Variants in APBA1 observed in about 807,000 individuals in gnomAD.
The protein encoded by APBA1 is amyloid-beta A4 precursor protein-binding family A member 1.
A neutral mutation model predicts 86.6 loss-of-function variants in APBA1; 55 were observed. The observed-to-expected ratio is 0.64, with a 90% confidence interval of 0.51 to 0.80. The LOEUF (loss-of-function observed/expected upper bound fraction) is 0.80, where lower values mean the gene tolerates loss of function less well. APBA1 is among the 30% of genes least tolerant of loss of function. The probability of loss-of-function intolerance (pLI) is 0.00; values close to 1 mark genes in which losing one functional copy is unlikely to be tolerated. For synonymous variants in APBA1, 511 were observed against 493.9 expected, an observed-to-expected ratio of 1.03 and a Z score of -0.46; for missense variants, 1,090 against 1,183.0, an observed-to-expected ratio of 0.92 and a Z score of 1.15.
chr9:69,514,616 T>C (rs1170938972), intron 2 of APBA1, among the ~76,000 whole-genome samples: 1 of 147,646 alleles, frequency 6.8e-6, no homozygotes, highest in Non-Finnish European at 1.5e-5. Flanking sequence ...ACAAAAAAAA[T>C]TGCAGAAACC....
At chr9:69,513,326 G>C (rs991174329) in intron 2 of APBA1, among the ~76,000 whole-genome samples, 3 of 152,242 alleles carry the variant, frequency 2.0e-5, no homozygotes, top group Non-Finnish European at 4.4e-5. Flanking sequence ...TGGGCTCACT[G>C]TGAGGCTGCA....
chr9:69,609,850 G>A (rs1011096095), intron 1 of APBA1, among the ~76,000 whole-genome samples: 10 of 152,170 alleles, frequency 6.6e-5, no homozygotes, highest in African/African-American at 1.4e-4. Flanking sequence ...CCAGGCTGGC[G>A]TGCAGCGGCA....
At chr9:69,469,150 C>T (rs568100743) in intron 4 of APBA1, among the ~76,000 whole-genome samples, 47 of 152,294 alleles carry the variant, frequency 3.1e-4, no homozygotes, top group African/African-American at 1.1e-3. Flanking sequence ...CATGAACCAC[C>T]ATGCCTAGCC....
At chr9:69,464,441 T>TA (rs1409805399) in intron 5 of APBA1, 2 of 152,246 alleles carry the variant, frequency 1.3e-5, no homozygotes, top group African/African-American at 4.8e-5. Flanking sequence ...AATTTGCTTG[T>TA]AAAAATAAAT....
rs1460636629 is a variant in APBA1 at position 69,517,244 on chromosome 9, G to T, written c.-34C>A. On this transcript the variant is annotated 5_prime_UTR_variant, in exon 2 of 13. Transcript: ENST00000265381. Reference sequence around the variant, plus strand: ...TCGGAACGGCTAGGAGAGAAGCTGGGCCCGGCTCACTGCGCTCTCATTTTG... The same window carrying T: ...TCGGAACGGCTAGGAGAGAAGCTGGTCCCGGCTCACTGCGCTCTCATTTTG... The T allele has an allele frequency of 2.8e-6, 4 of 1,430,302 alleles. No individual in the cohort carries two copies. Among genetic ancestry groups the T allele is most frequent in the South Asian group, 3.0e-5 (2 of 65,802 alleles). 88.6% of individuals were successfully genotyped at this position (1,430,302 alleles called of 1,614,324 possible). A position where few individuals can be genotyped will look rare whatever the true frequency, so the allele number is the denominator to read the frequency against.
chr9:69,652,693 T>C (rs2134017333), intron 1 of APBA1, among the ~76,000 whole-genome samples: 1 of 152,328 alleles, frequency 6.6e-6, no homozygotes, highest in Admixed American at 6.5e-5. Flanking sequence ...TGAATGGATT[T>C]CAAAAACAAG....
intron 1 of APBA1, among the ~76,000 whole-genome samples, chr9:69,654,678 A>G (rs773152887): frequency 1.3e-5 from 2 of 152,210 alleles, no homozygotes; most frequent in Non-Finnish European, 2.9e-5. Flanking sequence ...CATTGAAGAG[A>G]AGGGAATACT....
intron 1 of APBA1, among the ~76,000 whole-genome samples, chr9:69,592,879 T>A (rs947663069): frequency 2.0e-5 from 3 of 152,230 alleles, no homozygotes. Flanking sequence ...AAAATTGTCC[T>A]GAACCTGAAA....
At chr9:69,541,547 A>ATTTTTTTTTTTTTT (rs11461593) in intron 1 of APBA1, among the ~76,000 whole-genome samples, 4 of 142,100 alleles carry the variant, frequency 2.8e-5, no homozygotes, top group African/African-American at 5.3e-5. Flanking sequence ...TCTTTTTTGC[A>ATTTTTTTTTTTTTT]TTTTTTTTTT....
rs972892895 is a variant in APBA1 at position 69,647,418 on chromosome 9, C to T, written c.-70+24735G>A. Among the ~76,000 whole-genome samples, 40 of 152,154 alleles carry T rather than the reference C, an allele frequency of 2.6e-4. 2 individuals are homozygous for T. The highest frequency in any genetic ancestry group is 2.9e-5 in the Non-Finnish European group (2 of 68,016). The stretch of plus-strand genomic sequence containing the variant: ...CTCTTAAATTCAAGCCATAAAAACA[C>T]ACCCATCTTCCTAAGAGTTTATCAG... On this transcript the variant is annotated intron_variant, in intron 1 of 12. Coordinates refer to ENST00000265381, the MANE Select transcript of APBA1 (RefSeq NM_001163.4).
intron 1 of APBA1, among the ~76,000 whole-genome samples, chr9:69,667,115 A>G (rs1471972625): frequency 1.3e-5 from 2 of 152,202 alleles, no homozygotes; most frequent in Non-Finnish European, 2.9e-5. Context: ...TTTTACTATA[A>G]ACTTCTTAAA....
intron 1 of APBA1, among the ~76,000 whole-genome samples, chr9:69,636,926 A>AAGGAAGGAAGGAAGGAAGGAAG (rs1554708349): frequency 3.2e-5 from 1 of 31,450 alleles, no homozygotes; most frequent in African/African-American, 1.1e-4. Context: ...AAGGAAGGAA[A>AAGGAAGGAAGGAAGGAAGGAAG]GAAAGAAAGA....
intron 1 of APBA1, among the ~76,000 whole-genome samples, chr9:69,621,995 G>A (rs1225075322): frequency 6.6e-6 from 1 of 152,262 alleles, no homozygotes; most frequent in Admixed American, 6.5e-5. Context: ...AGAGCCAGAA[G>A]GATCTTAAAG....
chr9:69,474,735 A>G lies in APBA1; in HGVS notation c.1296+1313T>C, dbSNP rs140282453. Among the ~76,000 whole-genome samples the G allele has an allele frequency of 8.6e-4, 131 of 152,298 alleles. 1 individual carries two copies. In the East Asian group the frequency reaches 0.025, roughly 29 times the overall value. ...GTTGGTGTCATTTCAGAGAAGGTCT[A>G]TGTTTGTTTGTTTGGTTTAATATGA... On this transcript the variant is annotated intron_variant, in intron 3 of 12. Transcript: ENST00000265381.
At chr9:69,658,222 C>CTCTTTCTTTCTTTCTT (rs1212486587) in intron 1 of APBA1, among the ~76,000 whole-genome samples, 2 of 104,220 alleles carry the variant, frequency 1.9e-5, no homozygotes, top group African/African-American at 3.1e-5. Flanking sequence ...AGTCCTTTCT[C>CTCTTTCTTTCTTTCTT]TCTTTCTTTC....
Position 69,528,272 on chromosome 9 carries a change from T to C in APBA1, c.-69-10993A>G, listed in dbSNP as rs571190278. Among the ~76,000 whole-genome samples the C allele has an allele frequency of 1.8e-4, 28 of 152,258 alleles. No individual in the cohort carries two copies. In the East Asian group the frequency reaches 2.5e-3, roughly 14 times the overall value. On this transcript the variant is annotated intron_variant, in intron 1 of 12. Coordinates refer to ENST00000265381, the MANE Select transcript of APBA1 (RefSeq NM_001163.4). ...CAGGCAGGAAAATTAATTCATCCAC[T>C]TGGATTAATTCAGTAGTGCCAACCA... is the stretch of plus-strand genomic sequence containing the variant.
chr9:69,644,610 C>G (rs1823354249), intron 1 of APBA1, among the ~76,000 whole-genome samples: 1 of 152,224 alleles, frequency 6.6e-6, no homozygotes, highest in African/African-American at 2.4e-5. Context: ...CTGTTCTTCT[C>G]TTTCCAACTT....
At chr9:69,653,562 A>G (rs1823550796) in intron 1 of APBA1, among the ~76,000 whole-genome samples, 1 of 152,238 alleles carries the variant, frequency 6.6e-6, no homozygotes, top group Non-Finnish European at 1.5e-5. Flanking sequence ...ATGTTAAGTC[A>G]CAAAACAAAT....
At position 69,594,781 on chromosome 9, in the gene APBA1, T is replaced by TTG. The variant is rs1822197592; in HGVS notation, c.-70+77371_-70+77372insCA. Among the ~76,000 whole-genome samples, 3 of 152,130 alleles carry TTG rather than the reference T, an allele frequency of 2.0e-5. No individual in the cohort carries two copies. The South Asian group carries it at 6.2e-4, about 32-fold the overall frequency. ...TAGTTCTTTTCTGATGAGTAGACAT[T>TTG]ACCCAAGCCAATCATACAACACTTT... is the stretch of plus-strand genomic sequence containing the variant. On this transcript the variant is annotated intron_variant, in intron 1 of 12. Transcript: ENST00000265381.
Sources: allele counts gnomAD v4.1 joint callset (sites outside exome capture counted in the v4.1 genomes callset), GRCh38; gene constraint gnomAD v4.1.1; transcripts MANE v1.5; gene names NCBI Gene and HGNC (gene_info 2026-07-23, HGNC 2026-07-21).